Variants in NTM observed in about 807,000 individuals in gnomAD.
The protein encoded by NTM is IgLON family member 2.
NTM carries 13 observed loss-of-function variants against 42.1 expected under a neutral mutation model. That is an observed-to-expected ratio of 0.31 (90% CI 0.20 to 0.49). NTM has a LOEUF of 0.49. NTM is among the 20% of genes least tolerant of loss of function. The pLI is 0.99. For missense variants in NTM, 373 were observed against 452.8 expected (o/e 0.82, Z 1.60); for synonymous variants, 187 against 179.2 (o/e 1.04, Z -0.35).
chr11:131,728,458 G>A (rs1209129815), intron 1 of NTM, among the ~76,000 whole-genome samples: 2 of 152,192 alleles, frequency 1.3e-5, no homozygotes, highest in Non-Finnish European at 2.9e-5. Context: ...CAGGGGAAGA[G>A]GCATGGAGAT....
intron 1 of NTM, among the ~76,000 whole-genome samples, chr11:131,708,852 G>T (rs2076843898): frequency 6.6e-6 from 1 of 152,156 alleles, no homozygotes; most frequent in Admixed American, 6.5e-5. Context: ...CCCAATTTTA[G>T]CAAATGTTGA....
At chr11:131,460,383 T>A (rs1361159865) in intron 1 of NTM, among the ~76,000 whole-genome samples, 1 of 152,228 alleles carries the variant, frequency 6.6e-6, no homozygotes, top group Non-Finnish European at 1.5e-5. Context: ...TGGCTTAGTA[T>A]ACAAGTAAAA....
At chr11:131,402,193 C>T (rs1483873308) in intron 1 of NTM, among the ~76,000 whole-genome samples, 4 of 151,898 alleles carry the variant, frequency 2.6e-5, no homozygotes, top group African/African-American at 9.7e-5. Flanking sequence ...ATGGATGCAA[C>T]ACCATGAAAA....
intron 1 of NTM, among the ~76,000 whole-genome samples, chr11:131,579,105 GT>G (rs916058412): frequency 6.6e-6 from 1 of 152,194 alleles, no homozygotes; most frequent in African/African-American, 2.4e-5. Context: ...AATCTCTTGT[GT>G]TTGAGATCAG....
chr11:131,632,012 G>A (rs1302195717), intron 1 of NTM, among the ~76,000 whole-genome samples: 4 of 152,006 alleles, frequency 2.6e-5, no homozygotes, highest in African/African-American at 9.7e-5. Flanking sequence ...TACTTAGTAT[G>A]CATATGTTTC....
Position 132,146,126 on chromosome 11 carries a change from TG to T in NTM, c.168-155del. 3 of 1,141,208 alleles carry T rather than the reference TG, an allele frequency of 2.6e-6. No individual in the cohort carries two copies. In the South Asian group the frequency reaches 4.9e-5, roughly 18 times the overall value. 70.7% of individuals were successfully genotyped at this position (1,141,208 alleles called of 1,614,324 possible). A position where few individuals can be genotyped will look rare whatever the true frequency, so the allele number is the denominator to read the frequency against. ...CTGTAATCCCATAAGACCTTTGCTG[TG>T]TTCCAGAAAAGTCCACCCCTGACAA... On this transcript the variant is annotated intron_variant, in intron 2 of 8. Transcript: ENST00000683400. This position sits in a 1 kb window ranked among gnomAD's most constrained non-coding sequence, Gnocchi z 4.5.
intron 1 of NTM, among the ~76,000 whole-genome samples, chr11:131,421,665 A>G (rs1381284619): frequency 6.6e-6 from 1 of 152,204 alleles, no homozygotes; most frequent in Admixed American, 6.5e-5. Context: ...ACTGTCTCCT[A>G]TATCCTACCT....
chr11:132,096,766 G>C (rs962400989), intron 2 of NTM, among the ~76,000 whole-genome samples: 1 of 152,020 alleles, frequency 6.6e-6, no homozygotes, highest in Non-Finnish European at 1.5e-5. Flanking sequence ...GAGGGGAGTC[G>C]ACATTTACAA....
chr11:132,145,477 CATG>C (rs1566291267), intron 2 of NTM, among the ~76,000 whole-genome samples: 1 of 152,148 alleles, frequency 6.6e-6, no homozygotes, highest in African/African-American at 2.4e-5. Flanking sequence ...GACAGAAAGA[CATG>C]ATGAGGACTT....
At chr11:131,430,404 T>G (rs1948557236) in intron 1 of NTM, among the ~76,000 whole-genome samples, 1 of 152,156 alleles carries the variant, frequency 6.6e-6, no homozygotes, top group Non-Finnish European at 1.5e-5. Context: ...GGAAGGTATA[T>G]GGACTGCTGT....
rs140271324 is a variant in NTM at position 131,478,018 on chromosome 11, T to G, written c.82+107130T>G. 3.7e-3 allele frequency among the ~76,000 whole-genome samples: 571 copies of G among 152,270 alleles called. 5 individuals are homozygous for G. The highest frequency in any genetic ancestry group is 0.013 in the African/African-American group (548 of 41,532). ...ACTAGAGACCCAAAGCTGACCTTTCTGCTTCCACTTATTTCTTCTCTCACT... is the reference window on the plus strand; with the variant it reads ...ACTAGAGACCCAAAGCTGACCTTTCGGCTTCCACTTATTTCTTCTCTCACT... On this transcript the variant is annotated intron_variant, in intron 1 of 8. Transcript: ENST00000683400.
At chr11:131,464,365 G>GA (rs1951694166) in intron 1 of NTM, among the ~76,000 whole-genome samples, 2 of 152,134 alleles carry the variant, frequency 1.3e-5, no homozygotes, top group South Asian at 4.1e-4. Context: ...AAGCTGGGGG[G>GA]GGGGCAGCAA....
intron 1 of NTM, among the ~76,000 whole-genome samples, chr11:131,383,682 T>A (rs533303712): frequency 1.3e-5 from 2 of 152,252 alleles, no homozygotes; most frequent in African/African-American, 4.8e-5. Flanking sequence ...GCTAGAATTG[T>A]TTTCATTGAA....
At chr11:132,106,371 G>C (rs1384422453) in intron 2 of NTM, among the ~76,000 whole-genome samples, 1 of 152,216 alleles carries the variant, frequency 6.6e-6, no homozygotes, top group Non-Finnish European at 1.5e-5. Flanking sequence ...ACCATTCAGA[G>C]GTAATGAGAC....
intron 1 of NTM, among the ~76,000 whole-genome samples, chr11:131,558,229 C>A (rs1161246218): frequency 6.6e-6 from 1 of 152,114 alleles, no homozygotes; most frequent in East Asian, 1.9e-4. Flanking sequence ...CAGCACAGAG[C>A]CCCTGCAGCC....
intron 1 of NTM, among the ~76,000 whole-genome samples, chr11:131,818,540 G>T (rs1443011273): frequency 6.6e-6 from 1 of 152,124 alleles, no homozygotes; most frequent in African/African-American, 2.4e-5. Flanking sequence ...CTTGAAAGTT[G>T]TTGGGGGTTG....
chr11:131,701,101 G>A (rs1371246821), intron 1 of NTM, among the ~76,000 whole-genome samples: 2 of 152,148 alleles, frequency 1.3e-5, no homozygotes, highest in Admixed American at 6.5e-5. Context: ...GTTTCCAGTT[G>A]GTGGACAGTA....
At chr11:132,210,665 A>G (rs1408163995) in intron 3 of NTM, among the ~76,000 whole-genome samples, 1 of 152,230 alleles carries the variant, frequency 6.6e-6, no homozygotes, top group East Asian at 1.9e-4. Flanking sequence ...CTAGTGGTAA[A>G]GCTGAGACTG....
intron 1 of NTM, among the ~76,000 whole-genome samples, chr11:131,578,834 G>A (rs1210781755): frequency 3.9e-5 from 6 of 152,084 alleles, no homozygotes; most frequent in Non-Finnish European, 7.3e-5. Context: ...TGATTGAGGA[G>A]GAGGAATGAG....
Sources: allele counts gnomAD v4.1 joint callset (sites outside exome capture counted in the v4.1 genomes callset), GRCh38; gene constraint gnomAD v4.1.1; non-coding constraint Gnocchi (gnomAD v3.1); transcripts MANE v1.5; gene names NCBI Gene and HGNC (gene_info 2026-07-23, HGNC 2026-07-21).